The following CLSTN2 variants were observed in gnomAD, a reference collection of about 807,000 sequenced individuals.
CLSTN2 encodes calsyntenin-2.
In CLSTN2, 48 loss-of-function variants were observed where a neutral mutation model predicts 101.2. The ratio of observed to expected loss-of-function variants is 0.47; its 90% CI spans 0.38 to 0.60. The LOEUF (loss-of-function observed/expected upper bound fraction) is 0.60. CLSTN2 is among the 20% of genes least tolerant of loss of function. The probability of loss-of-function intolerance (pLI) is 0.00; values close to 1 mark genes in which losing one functional copy is unlikely to be tolerated. For missense variants in CLSTN2, 1,160 were observed against 1,238.2 expected, an observed-to-expected ratio of 0.94 and a Z score of 0.95; for synonymous variants, 481 against 463.6, an observed-to-expected ratio of 1.04 and a Z score of -0.48.
At chr3:140,210,512 C>T (rs2107846199) in intron 2 of CLSTN2, among the ~76,000 whole-genome samples, 1 of 152,276 alleles carries the variant, frequency 6.6e-6, no homozygotes, top group South Asian at 2.1e-4. Context: ...AGCTGAGGTA[C>T]AGACTTCTCA....
At chr3:140,023,804 C>CGCT (rs1560072623) in intron 1 of CLSTN2, among the ~76,000 whole-genome samples, 1 of 152,178 alleles carries the variant, frequency 6.6e-6, no homozygotes, top group African/African-American at 2.4e-5. Flanking sequence ...CTCACCCAGG[C>CGCT]GCTGCTGCTT....
At chr3:140,510,908 C>T (rs1369392238) in intron 8 of CLSTN2, among the ~76,000 whole-genome samples, 1 of 152,146 alleles carries the variant, frequency 6.6e-6, no homozygotes, top group Non-Finnish European at 1.5e-5. Context: ...GTTTGCTACA[C>T]AGGTAAATGC....
intron 2 of CLSTN2, among the ~76,000 whole-genome samples, chr3:140,249,800 A>G (rs1043484041): frequency 1.3e-5 from 2 of 152,184 alleles, no homozygotes; most frequent in East Asian, 3.9e-4. Context: ...GGTCCCAACC[A>G]AGAGAACTTG....
chr3:140,203,461 G>GTTTTTTTGTTTTTTTTTTTTT (rs2010743308), intron 2 of CLSTN2, among the ~76,000 whole-genome samples: 1 of 67,898 alleles, frequency 1.5e-5, no homozygotes. Flanking sequence ...GAAAGTGTGG[G>GTTTTTTTGTTTTTTTTTTTTT]TTTTTTTTTT....
chr3:140,505,891 G>T (rs1359285848), intron 8 of CLSTN2: 1 of 152,170 alleles, frequency 6.6e-6, no homozygotes, highest in Non-Finnish European at 1.5e-5. Flanking sequence ...TAATACACTG[G>T]AGTCCTCTTC....
At position 140,570,972 on chromosome 3, in the gene CLSTN2, A is replaced by C. The variant is rs1391311048; in HGVS notation, c.*4719A>C. On this transcript the variant is annotated 3_prime_UTR_variant, in exon 17 of 17. Coordinates refer to ENST00000458420, the MANE Select transcript of CLSTN2 (RefSeq NM_022131.3). The stretch of plus-strand genomic sequence containing the variant: ...GTTTTAAAAGTCCATGTTCCGGGGG[A>C]AAACAAAAAAGAAACAAACAAAACA... The C allele has an allele frequency of 6.6e-6, 1 of 152,246 alleles. No homozygotes were observed. The highest frequency in any genetic ancestry group is 1.9e-4 in the East Asian group (1 of 5,190). The allele number at this position is 152,246 out of a possible 1,614,324, so 9.4% of individuals were successfully genotyped here.
intron 16 of CLSTN2, among the ~76,000 whole-genome samples, chr3:140,564,540 C>T (rs753776228): frequency 5.9e-5 from 9 of 152,304 alleles, no homozygotes; most frequent in Non-Finnish European, 1.2e-4. Context: ...CTTTGCTCTA[C>T]ACTGCCTGAA....
At chr3:140,465,728 A>T (rs948642998) in intron 7 of CLSTN2, among the ~76,000 whole-genome samples, 2 of 152,190 alleles carry the variant, frequency 1.3e-5, no homozygotes, top group Non-Finnish European at 1.5e-5. Flanking sequence ...TGAAGCTCTG[A>T]GAGGTGAAAT....
intron 2 of CLSTN2, among the ~76,000 whole-genome samples, chr3:140,392,269 C>T (rs1379604109): frequency 6.6e-6 from 1 of 150,492 alleles, no homozygotes; most frequent in East Asian, 1.9e-4. Context: ...TGTTTAACCC[C>T]AAAATATCCA....
At chr3:140,289,303 T>A (rs1402837756) in intron 2 of CLSTN2, among the ~76,000 whole-genome samples, 2 of 151,820 alleles carry the variant, frequency 1.3e-5, no homozygotes, top group Non-Finnish European at 2.9e-5. Context: ...CCAGCCTGGA[T>A]CCAAGCCCAA....
At chr3:140,203,902 G>A (rs562181097) in intron 2 of CLSTN2, among the ~76,000 whole-genome samples, 75 of 152,204 alleles carry the variant, frequency 4.9e-4, no homozygotes, top group Non-Finnish European at 5.7e-4. Context: ...GATGCCAGAG[G>A]AGGAAACAAA....
intron 2 of CLSTN2, among the ~76,000 whole-genome samples, chr3:140,320,617 G>A (rs1479306150): frequency 6.8e-6 from 1 of 147,944 alleles, no homozygotes; most frequent in Non-Finnish European, 1.5e-5. Flanking sequence ...TTTGCGGGGG[G>A]GGGCAGGGGT....
chr3:140,328,579 T>C (rs2087352659), intron 2 of CLSTN2, among the ~76,000 whole-genome samples: 1 of 152,136 alleles, frequency 6.6e-6, no homozygotes, highest in Admixed American at 6.5e-5. Context: ...CACAATACAA[T>C]TCTGTATACT....
intron 16 of CLSTN2, among the ~76,000 whole-genome samples, chr3:140,564,776 A>C (rs906420381): frequency 6.6e-6 from 1 of 152,212 alleles, no homozygotes; most frequent in African/African-American, 2.4e-5. Context: ...CAATAGTCAA[A>C]TTTAAGGTTA....
intron 5 of CLSTN2, among the ~76,000 whole-genome samples, chr3:140,434,063 A>G (rs2088663951): frequency 6.6e-6 from 1 of 152,082 alleles, no homozygotes; most frequent in African/African-American, 2.4e-5. Context: ...CTGGGTACCT[A>G]TGCTGCCATC....
intron 1 of CLSTN2, among the ~76,000 whole-genome samples, chr3:140,035,645 G>C (rs2007638386): frequency 6.6e-6 from 1 of 152,128 alleles, no homozygotes; most frequent in Non-Finnish European, 1.5e-5. Context: ...ATTAAGTGAG[G>C]GAACCTATGT....
intron 1 of CLSTN2, among the ~76,000 whole-genome samples, chr3:139,967,721 C>T (rs904422378): frequency 2.6e-5 from 4 of 152,182 alleles, no homozygotes; most frequent in Admixed American, 6.5e-5. Flanking sequence ...AATGAGAGCT[C>T]CCAGCTTCCC....
intron 2 of CLSTN2, among the ~76,000 whole-genome samples, chr3:140,213,427 T>C (rs562113794): frequency 6.6e-6 from 1 of 152,362 alleles, no homozygotes; most frequent in East Asian, 1.9e-4. Context: ...GGCATAATCC[T>C]TCCACCTGCC....
At chr3:140,310,359 C>T (rs780162302) in intron 2 of CLSTN2, among the ~76,000 whole-genome samples, 3 of 152,068 alleles carry the variant, frequency 2.0e-5, no homozygotes, top group Non-Finnish European at 4.4e-5. Flanking sequence ...AGCACACTCC[C>T]TCTGGCCCAG....
Sources: gnomAD v4.1 joint callset for allele counts (sites outside exome capture counted in the v4.1 genomes callset) on GRCh38, gnomAD v4.1.1 for gene constraint, MANE v1.5 for transcripts, NCBI Gene and HGNC (gene_info 2026-07-23, HGNC 2026-07-21) for gene names.